Variants in NXPH1 observed in about 807,000 individuals in gnomAD.
NXPH1 encodes neurexophilin-1.
Under a neutral mutation model 23.7 loss-of-function variants are expected in NXPH1, and 5 were observed. The ratio of observed to expected loss-of-function variants is 0.21; its 90% CI spans 0.11 to 0.44. NXPH1 has a LOEUF of 0.44. Ranked by LOEUF, NXPH1 falls within the 20% of genes least tolerant of loss-of-function variation. The probability of loss-of-function intolerance (pLI) is 0.99; values close to 1 mark genes in which losing one functional copy is unlikely to be tolerated. For synonymous variants in NXPH1, 144 were observed against 122.2 expected (o/e 1.18, Z -1.18); for missense variants, 324 against 321.6 (o/e 1.01, Z -0.06).
At chr7:8,615,122 A>G (rs6952850) in intron 2 of NXPH1, among the ~76,000 whole-genome samples, 53,605 of 151,822 alleles carry the variant, frequency 0.35, 9,997 homozygotes, top group African/African-American at 0.47. Context: ...AATTGTTTCT[A>G]TTGGGGGAAA....
intron 2 of NXPH1, among the ~76,000 whole-genome samples, chr7:8,584,865 G>C (rs1020010814): frequency 6.6e-6 from 1 of 152,032 alleles, no homozygotes; most frequent in Non-Finnish European, 1.5e-5. Flanking sequence ...ACATTACTTT[G>C]TACTATGTAT....
chr7:8,613,612 C>A (rs925337666), intron 2 of NXPH1, among the ~76,000 whole-genome samples: 1 of 151,912 alleles, frequency 6.6e-6, no homozygotes, highest in Non-Finnish European at 1.5e-5. Flanking sequence ...AAAAAGGGAC[C>A]AGCAACCATT....
intron 2 of NXPH1, among the ~76,000 whole-genome samples, chr7:8,637,413 T>C (rs1437267254): frequency 2.0e-5 from 3 of 152,148 alleles, no homozygotes; most frequent in Non-Finnish European, 4.4e-5. Flanking sequence ...TTTTTAGAGA[T>C]GGGGTTTCAG....
intron 2 of NXPH1, among the ~76,000 whole-genome samples, chr7:8,552,114 CAAAA>C (rs34390317): frequency 4.5e-3 from 275 of 61,744 alleles, no homozygotes; most frequent in African/African-American, 0.018. Context: ...GAAAAAAAAC[CAAAA>C]AAAAAAAAAA....
chr7:8,716,907 T>A (rs997153323), intron 2 of NXPH1, among the ~76,000 whole-genome samples: 1 of 152,214 alleles, frequency 6.6e-6, no homozygotes, highest in Admixed American at 6.5e-5. Flanking sequence ...GATTATTTCT[T>A]CACCTCCCTA....
intron 2 of NXPH1, among the ~76,000 whole-genome samples, chr7:8,643,682 C>G (rs906230931): frequency 4.6e-5 from 7 of 152,058 alleles, no homozygotes; most frequent in African/African-American, 1.7e-4. Context: ...TGTAAGCTTA[C>G]TAATTATTGT....
intron 2 of NXPH1, among the ~76,000 whole-genome samples, chr7:8,750,527 G>A (rs762727449): frequency 2.0e-5 from 3 of 151,790 alleles, no homozygotes; most frequent in Non-Finnish European, 4.4e-5. Context: ...TAAAGCTTAG[G>A]GTAATTTTGA....
chr7:8,443,681 C>T (rs1247566230), intron 2 of NXPH1, among the ~76,000 whole-genome samples: 1 of 152,214 alleles, frequency 6.6e-6, no homozygotes, highest in African/African-American at 2.4e-5. Flanking sequence ...GATATATTTG[C>T]TATCGAAAGT....
chr7:8,555,752 C>G (rs117718139), intron 2 of NXPH1, among the ~76,000 whole-genome samples: 1 of 151,638 alleles, frequency 6.6e-6, no homozygotes, highest in East Asian at 2.0e-4. Context: ...CAGTTTTGAA[C>G]CTTTGCGTTT....
At position 8,601,093 on chromosome 7, in the gene NXPH1, C is replaced by T. The variant is rs561345528; in HGVS notation, c.55-149915C>T. On this transcript the variant is annotated intron_variant, in intron 2 of 2. Coordinates refer to ENST00000405863, the MANE Select transcript of NXPH1 (RefSeq NM_152745.3). Reference sequence around the variant, plus strand: ...CATTTTATATCAGGAACTTGAGCATCCCCAAATTTTGGTATCCACAGGAGG... The same window carrying T: ...CATTTTATATCAGGAACTTGAGCATTCCCAAATTTTGGTATCCACAGGAGG... Among the ~76,000 whole-genome samples, 7 of 152,178 alleles carry T rather than the reference C, an allele frequency of 4.6e-5. No individual in the cohort carries two copies. The East Asian group carries it at 1.2e-3, about 25-fold the overall frequency.
intron 2 of NXPH1, among the ~76,000 whole-genome samples, chr7:8,598,415 C>T (rs10265638): frequency 7.2e-5 from 11 of 152,070 alleles, no homozygotes; most frequent in Admixed American, 7.2e-4. Context: ...GCACATAGAC[C>T]TGGTTCCCTT....
chr7:8,594,983 CT>C (rs2128626065), intron 2 of NXPH1, among the ~76,000 whole-genome samples: 1 of 152,114 alleles, frequency 6.6e-6, no homozygotes, highest in African/African-American at 2.4e-5. Context: ...CTCAAAAGCT[CT>C]TGAACCTGAC....
intron 2 of NXPH1, among the ~76,000 whole-genome samples, chr7:8,592,671 A>G (rs1489191601): frequency 6.6e-6 from 1 of 152,012 alleles, no homozygotes; most frequent in Non-Finnish European, 1.5e-5. Flanking sequence ...TACAGAGCTC[A>G]TCGTCTCTGT....
In NXPH1 at chr7:8,456,695, C is replaced by G. The variant is rs1317756882; in HGVS notation, c.54+20928C>G. ...AAAAGTAGTTGAATTTTTCTATTAT[C>G]CATAACTTTTTACATCCAAATCCAT... On this transcript the variant is annotated intron_variant, in intron 2 of 2. Coordinates refer to ENST00000405863, the MANE Select transcript of NXPH1 (RefSeq NM_152745.3). Among the ~76,000 whole-genome samples the G allele has an allele frequency of 2.6e-5, 4 of 152,072 alleles. 1 individual carries two copies. In the East Asian group the frequency reaches 7.7e-4, roughly 29 times the overall value.
chr7:8,494,394 A>G (rs1227720899), intron 2 of NXPH1, among the ~76,000 whole-genome samples: 2 of 151,704 alleles, frequency 1.3e-5, no homozygotes, highest in African/African-American at 2.4e-5. Flanking sequence ...TTTCTTTTTT[A>G]CTGCTGCGGG....
chr7:8,692,034 G>A (rs1267611192), intron 2 of NXPH1, among the ~76,000 whole-genome samples: 1 of 151,988 alleles, frequency 6.6e-6, no homozygotes, highest in Non-Finnish European at 1.5e-5. Context: ...GCACAAGGGG[G>A]CTGGGGCTAG....
chr7:8,570,529 C>G (rs1040208296), intron 2 of NXPH1, among the ~76,000 whole-genome samples: 1 of 151,986 alleles, frequency 6.6e-6, no homozygotes, highest in African/African-American at 2.4e-5. Flanking sequence ...AAGTGATGTG[C>G]GAAGGCACCC....
Position 8,564,126 on chromosome 7 carries a change from A to G in NXPH1, c.54+128359A>G, listed in dbSNP as rs141792158. 1.8e-3 allele frequency among the ~76,000 whole-genome samples: 277 copies of G among 151,856 alleles called. 2 individuals are homozygous for G. Among genetic ancestry groups the G allele is most frequent in the African/African-American group, 6.2e-3 (257 of 41,488 alleles). ...TAGATTTAGCCCATGCTTTTTGACT[A>G]TCTGCTCACTCCTTGGGCAGAAACA... On this transcript the variant is annotated intron_variant, in intron 2 of 2. Transcript: ENST00000405863.
At chr7:8,748,591 T>A (rs895734673) in intron 2 of NXPH1, among the ~76,000 whole-genome samples, 1 of 152,344 alleles carries the variant, frequency 6.6e-6, no homozygotes, top group Non-Finnish European at 1.5e-5. Flanking sequence ...TGTTATCTAT[T>A]CTTCCTTCAT....
Sources: gnomAD v4.1 joint callset for allele counts (sites outside exome capture counted in the v4.1 genomes callset) on GRCh38, gnomAD v4.1.1 for gene constraint, MANE v1.5 for transcripts, NCBI Gene and HGNC (gene_info 2026-07-23, HGNC 2026-07-21) for gene names.